Variants in METTL24 observed in about 807,000 individuals in gnomAD.
METTL24 encodes methyltransferase like 24, also known as probable methyltransferase-like protein 24.
A neutral mutation model predicts 32.7 loss-of-function variants in METTL24; 29 were observed. The observed-to-expected ratio is 0.89, with a 90% CI of 0.66 to 1.21. The LOEUF is 1.21. METTL24 is among the 50% of genes most tolerant of loss of function. METTL24 has a pLI of 0.00. For synonymous variants in METTL24, 163 were observed against 179.5 expected (o/e 0.91, Z 0.73); for missense variants, 439 against 468.1 (o/e 0.94, Z 0.57).
chr6:110,302,217 G>T lies in METTL24; in HGVS notation c.558-3067C>A, dbSNP rs1234541357. 3.3e-5 allele frequency among the ~76,000 whole-genome samples: 5 copies of T among 151,894 alleles called. 1 individual carries two copies. In the South Asian group the frequency reaches 8.3e-4, roughly 25 times the overall value. ...GGCATGAACCCAGGAGACAGAGCTTGCAGTGAGCCGAGATCGTGCCACTGC... is the reference window on the plus strand; with the variant it reads ...GGCATGAACCCAGGAGACAGAGCTTTCAGTGAGCCGAGATCGTGCCACTGC... On this transcript the variant is annotated intron_variant, in intron 3 of 4. Coordinates refer to ENST00000338882, the MANE Select transcript of METTL24 (RefSeq NM_001123364.3).
rs141044966 is a variant in METTL24, at chr6:110,273,174, T to G, written c.786+25748A>C. ...AGAGATGAGGATCCAGTTTCATTCT[T>G]CCACATGTGGCTTGCCAGTTTACCC... is the stretch of plus-strand genomic sequence containing the variant. On this transcript the variant is annotated intron_variant, in intron 4 of 4. Coordinates refer to ENST00000338882, the MANE Select transcript of METTL24 (RefSeq NM_001123364.3). Among the ~76,000 whole-genome samples the G allele has an allele frequency of 4.9e-3, 751 of 152,310 alleles. 10 individuals are homozygous for G. Among genetic ancestry groups the G allele is most frequent in the African/African-American group, 0.017 (725 of 41,562 alleles).
At chr6:110,352,136 TAACTC>T (rs749403009) in intron 1 of METTL24, among the ~76,000 whole-genome samples, 9 of 152,198 alleles carry the variant, frequency 5.9e-5, no homozygotes, top group Non-Finnish European at 2.9e-5. Context: ...CAGCCTTAGG[TAACTC>T]ATCTTCCTTA....
Position 110,248,610 on chromosome 6 carries a change from C to A in METTL24, c.787-2350G>T, listed in dbSNP as rs573903718. The stretch of plus-strand genomic sequence containing the variant: ...AGCAAAGACAGGTTGCATGTGAATA[C>A]ACACCAGGCTAAAATAATTCTTGTG... On this transcript the variant is annotated intron_variant, in intron 4 of 4. Transcript: ENST00000338882. Among the ~76,000 whole-genome samples, 37 of 152,128 alleles carry A rather than the reference C, an allele frequency of 2.4e-4. No individual in the cohort carries two copies. The South Asian group carries it at 7.1e-3, about 29-fold the overall frequency.
Position 110,303,577 on chromosome 6 carries a change from G to A in METTL24, c.558-4427C>T, listed in dbSNP as rs540944758. 3.3e-5 allele frequency among the ~76,000 whole-genome samples: 5 copies of A among 152,292 alleles called. No individual in the cohort carries two copies. In the South Asian group the frequency reaches 1.0e-3, roughly 32 times the overall value. Reference sequence around the variant, plus strand: ...GTTTGGACTGGGCAGAGCCCACCACGGCGCCTCAAAGCTGCTGTAGCCAGA... The same window carrying A: ...GTTTGGACTGGGCAGAGCCCACCACAGCGCCTCAAAGCTGCTGTAGCCAGA... On this transcript the variant is annotated intron_variant, in intron 3 of 4. Coordinates refer to ENST00000338882, the MANE Select transcript of METTL24 (RefSeq NM_001123364.3).
intron 1 of METTL24, among the ~76,000 whole-genome samples, chr6:110,353,520 G>C (rs1351646716): frequency 6.7e-6 from 1 of 150,336 alleles, no homozygotes; most frequent in African/African-American, 2.4e-5. Flanking sequence ...TTTGCCATAT[G>C]GTTTTTCAGG....
At chr6:110,279,985 T>C (rs938542388) in intron 4 of METTL24, among the ~76,000 whole-genome samples, 2 of 152,168 alleles carry the variant, frequency 1.3e-5, no homozygotes, top group African/African-American at 2.4e-5. Context: ...GAAGCAGGCA[T>C]GTCACATGGC....
chr6:110,283,658 G>A (rs1010423469), intron 4 of METTL24, among the ~76,000 whole-genome samples: 2 of 152,142 alleles, frequency 1.3e-5, no homozygotes, highest in African/African-American at 2.4e-5. Context: ...ATAGCACACC[G>A]TATTTTTTCT....
At chr6:110,322,530 G>T (rs541636839) in intron 2 of METTL24, among the ~76,000 whole-genome samples, 7 of 152,188 alleles carry the variant, frequency 4.6e-5, no homozygotes, top group Non-Finnish European at 8.8e-5. Flanking sequence ...AACACTTTGG[G>T]ATGAATCATT....
chr6:110,338,833 G>A (rs17071478), intron 1 of METTL24, among the ~76,000 whole-genome samples: 4,888 of 152,210 alleles, frequency 0.032, 259 homozygotes, highest in African/African-American at 0.11. Flanking sequence ...GTTAGCTTTC[G>A]TAATTCCAAA....
intron 4 of METTL24, among the ~76,000 whole-genome samples, chr6:110,270,837 CT>C (rs3075091): frequency 2.8e-3 from 352 of 124,718 alleles, no homozygotes; most frequent in Middle Eastern, 4.2e-3. Context: ...CATCTTGATT[CT>C]TTTTTTTTTT....
intron 4 of METTL24, among the ~76,000 whole-genome samples, chr6:110,263,333 A>ATGT (rs1770786709): frequency 6.6e-6 from 1 of 152,174 alleles, no homozygotes; most frequent in African/African-American, 2.4e-5. Flanking sequence ...ATAACAGACA[A>ATGT]ACAGAGAGCC....
intron 1 of METTL24, among the ~76,000 whole-genome samples, chr6:110,331,261 G>C (rs1772104890): frequency 6.6e-6 from 1 of 152,122 alleles, no homozygotes; most frequent in Admixed American, 6.5e-5. Flanking sequence ...AGGGGGGAAA[G>C]AGCCTTGGGG....
intron 4 of METTL24, among the ~76,000 whole-genome samples, chr6:110,259,520 T>G (rs1177488249): frequency 6.6e-6 from 1 of 152,232 alleles, no homozygotes; most frequent in Non-Finnish European, 1.5e-5. Context: ...TGCCTGCCTC[T>G]GTGGACTCCA....
intron 4 of METTL24, among the ~76,000 whole-genome samples, chr6:110,284,146 G>C (rs1316097006): frequency 3.3e-5 from 5 of 152,140 alleles, no homozygotes; most frequent in African/African-American, 1.2e-4. Context: ...CCACTTACAC[G>C]AGGTACCTAG....
chr6:110,341,893 C>G (rs927753247), intron 1 of METTL24, among the ~76,000 whole-genome samples: 1 of 152,176 alleles, frequency 6.6e-6, no homozygotes, highest in Non-Finnish European at 1.5e-5. Flanking sequence ...TATTTAAAAG[C>G]AAGATACTGT....
At chr6:110,261,791 T>A (rs908134385) in intron 4 of METTL24, among the ~76,000 whole-genome samples, 1 of 152,126 alleles carries the variant, frequency 6.6e-6, no homozygotes, top group East Asian at 1.9e-4. Flanking sequence ...GCAATCAAAC[T>A]AGAACTCAGG....
intron 1 of METTL24, among the ~76,000 whole-genome samples, chr6:110,334,115 G>A (rs917615090): frequency 4.0e-5 from 6 of 151,468 alleles, no homozygotes; most frequent in African/African-American, 1.2e-4. Context: ...GAGGAAAGGG[G>A]GGTCTTCCCG....
At chr6:110,269,295 A>G (rs184263820) in intron 4 of METTL24, among the ~76,000 whole-genome samples, 1 of 152,358 alleles carries the variant, frequency 6.6e-6, no homozygotes, top group Non-Finnish European at 1.5e-5. Context: ...CAAATAGTAC[A>G]TATAATTCTG....
chr6:110,336,218 T>G (rs796169554), intron 1 of METTL24, among the ~76,000 whole-genome samples: 80 of 152,300 alleles, frequency 5.3e-4, no homozygotes, highest in African/African-American at 1.9e-3. Context: ...CAGTGGTATA[T>G]GTAAGTAGGG....
Sources: allele counts gnomAD v4.1 joint callset (sites outside exome capture counted in the v4.1 genomes callset), GRCh38; gene constraint gnomAD v4.1.1; transcripts MANE v1.5; gene names NCBI Gene and HGNC (gene_info 2026-07-23, HGNC 2026-07-21).